The following FERMT1 variants were observed in gnomAD, a reference collection of about 807,000 sequenced individuals.
The protein encoded by FERMT1 is FERM domain containing kindlin 1, also known as fermitin family homolog 1.
A neutral mutation model predicts 85.3 loss-of-function variants in FERMT1; 60 were observed. The ratio of observed to expected loss-of-function variants is 0.70; its 90% CI spans 0.57 to 0.87. The LOEUF is 0.87. Among genes scored for constraint, FERMT1 ranks in the 40% least tolerant of loss-of-function variants. The pLI, the probability that FERMT1 is intolerant of heterozygous loss-of-function variation, is 0.00. For missense variants in FERMT1, 701 were observed against 818.9 expected (o/e 0.86, Z 1.76); for synonymous variants, 275 against 301.1 (o/e 0.91, Z 0.90).
chr20:6,095,454 A>T (rs1468714088), intron 8 of FERMT1, among the ~76,000 whole-genome samples: 1 of 152,252 alleles, frequency 6.6e-6, no homozygotes, highest in African/African-American at 2.4e-5. Context: ...TTATATGCAA[A>T]CAAAAGATTT....
chr20:6,077,430 C>T, intron 14 of FERMT1, 84 bp from the exon 15 acceptor site: 2 of 1,286,440 alleles, frequency 1.6e-6, no homozygotes, highest in Non-Finnish European at 2.2e-6. Flanking sequence ...GCCCCTGGAG[C>T]TGAGGGCTGC....
chr20:6,109,703 C>G (rs1982891986), intron 5 of FERMT1, among the ~76,000 whole-genome samples: 1 of 152,050 alleles, frequency 6.6e-6, no homozygotes, highest in Non-Finnish European at 1.5e-5. Flanking sequence ...AGTTCGAGAC[C>G]AGCCTGACCA....
At chr20:6,117,708 A>C (rs566758119) in intron 2 of FERMT1, among the ~76,000 whole-genome samples, 2 of 152,090 alleles carry the variant, frequency 1.3e-5, no homozygotes, top group African/African-American at 4.8e-5. Flanking sequence ...CTGGGATTAC[A>C]GGAAATTTTT....
chr20:6,101,529 T>A (rs1267842381), intron 6 of FERMT1, among the ~76,000 whole-genome samples: 1 of 152,260 alleles, frequency 6.6e-6, no homozygotes, highest in African/African-American at 2.4e-5. Flanking sequence ...TTTGTAAACA[T>A]GTCTAAACAA....
intron 5 of FERMT1, among the ~76,000 whole-genome samples, chr20:6,108,348 A>C (rs991478677): frequency 6.6e-6 from 1 of 152,224 alleles, no homozygotes; most frequent in African/African-American, 2.4e-5. Flanking sequence ...GTAAGCACAT[A>C]ATAATAGCTT....
chr20:6,098,054 C>T (rs1213891416), intron 6 of FERMT1, among the ~76,000 whole-genome samples: 1 of 152,072 alleles, frequency 6.6e-6, no homozygotes, highest in Non-Finnish European at 1.5e-5. Context: ...GCTCAAACGA[C>T]CTACCCATCT....
intron 7 of FERMT1, 44 bp downstream of exon 7, chr20:6,097,480 T>C (rs749253808): frequency 2.2e-6 from 3 of 1,376,262 alleles, no homozygotes; most frequent in East Asian, 2.3e-5. Flanking sequence ...CAGAACAAAC[T>C]TGGTTTGTCT....
chr20:6,085,113 C>G lies in FERMT1; in HGVS notation c.1546G>C (p.Glu516Gln). ...GCACACCGTGGTGACACAAAACATT[C>G]TGGGTTCATATCCATGTTTTCGAGA... is the stretch of plus-strand genomic sequence containing the variant. ...SSLENMDMNP[E>Q]CFVSPRCAKR... Residue 516 changes from glutamate to glutamine, a missense_variant, in exon 12 of 15, where the codon GAA becomes CAA. Physicochemically the swap from Glu to Gln is conservative, Grantham distance 29. Transcript: ENST00000217289. 6.2e-7 allele frequency: 1 copy of G among 1,614,188 alleles called. No homozygotes were observed. The highest frequency in any genetic ancestry group is 8.5e-7 in the Non-Finnish European group (1 of 1,180,036).
chr20:6,086,223 C>T (rs1404559541), intron 11 of FERMT1, among the ~76,000 whole-genome samples: 1 of 151,864 alleles, frequency 6.6e-6, no homozygotes, highest in Non-Finnish European at 1.5e-5. Flanking sequence ...GTCAGCTTTC[C>T]TTGATATGTA....
intron 6 of FERMT1, among the ~76,000 whole-genome samples, chr20:6,101,016 A>C (rs1038522444): frequency 2.0e-5 from 3 of 152,364 alleles, no homozygotes; most frequent in Non-Finnish European, 4.4e-5. Context: ...AAATGGCCAT[A>C]AAAACATTGG....
In FERMT1 at chr20:6,107,629, A is replaced by G; in HGVS notation, c.752T>C (p.Leu251Pro). Residue 251 changes from leucine (L) to proline (P), a missense_variant, in exon 6 of 15, where the codon CTA (leucine) becomes CCA (proline). By Grantham distance (98) the Leu-to-Pro change is moderately conservative (BLOSUM62 -3). Coordinates refer to ENST00000217289, the MANE Select transcript of FERMT1 (RefSeq NM_017671.5). ...TTCCATAAGGGAGCGTGAGGAGTCT[A>G]GCCAACTAGAAAATGACAGCATGAG... is the stretch of plus-strand genomic sequence containing the variant. ...VDKAKLNAGWLDSSRSLMEQG... is the reference protein window; with the variant it reads ...VDKAKLNAGWPDSSRSLMEQG... 6.3e-7 allele frequency: 1 copy of G among 1,595,080 alleles called. No homozygotes were observed. Among genetic ancestry groups the G allele is most frequent in the Non-Finnish European group, 8.6e-7 (1 of 1,162,974 alleles).
At chr20:6,078,633 G>GTTTTTTTTTTTT (rs11480502) in intron 14 of FERMT1, among the ~76,000 whole-genome samples, 1 of 134,678 alleles carries the variant, frequency 7.4e-6, no homozygotes, top group Non-Finnish European at 1.6e-5. Flanking sequence ...CTAGTTCAGC[G>GTTTTTTTTTTTT]TTTTTTTTTT....
intron 4 of FERMT1, 107 bp downstream of exon 4, chr20:6,112,370 C>G: frequency 8.7e-7 from 1 of 1,149,852 alleles, no homozygotes; most frequent in Non-Finnish European, 1.3e-6. Context: ...CACATCAGTT[C>G]TGCAATTTTA....
In FERMT1 at chr20:6,108,627, T is replaced by C. The variant is rs920305622; in HGVS notation, c.747-993A>G. 9.2e-5 allele frequency among the ~76,000 whole-genome samples: 14 copies of C among 152,120 alleles called. No homozygotes were observed. The East Asian group carries it at 2.1e-3, about 23-fold the overall frequency. ...GAGTTTGAGACCAGCCTGGGCAACATGGTGAAACCCTGTCTCTACTAAAAA... is the reference window on the plus strand; with the variant it reads ...GAGTTTGAGACCAGCCTGGGCAACACGGTGAAACCCTGTCTCTACTAAAAA... On this transcript the variant is annotated intron_variant, in intron 5 of 14. Coordinates refer to ENST00000217289, the MANE Select transcript of FERMT1 (RefSeq NM_017671.5).
At chr20:6,096,839 G>T (rs550949500) in intron 8 of FERMT1, 63 bp downstream of exon 8, 671 of 1,038,312 alleles carry the variant, frequency 6.5e-4, no homozygotes, top group Non-Finnish European at 8.7e-4. Context: ...ATAAAGAAAA[G>T]TTCATTTATA....
intron 13 of FERMT1, 81 bp downstream of exon 13, chr20:6,083,958 GC>G: frequency 6.6e-7 from 1 of 1,504,262 alleles, no homozygotes; most frequent in Non-Finnish European, 9.2e-7. Flanking sequence ...TATATTCTAT[GC>G]TAAATGAGAA....
intron 14 of FERMT1, among the ~76,000 whole-genome samples, chr20:6,078,643 T>TG (rs1422382653): frequency 7.9e-5 from 11 of 138,874 alleles, no homozygotes; most frequent in African/African-American, 2.3e-4. Context: ...GTTTTTTTTT[T>TG]TTGTTTTTTT....
chr20:6,096,172 G>A (rs1195474950), intron 8 of FERMT1, among the ~76,000 whole-genome samples: 1 of 152,192 alleles, frequency 6.6e-6, no homozygotes, highest in Non-Finnish European at 1.5e-5. Flanking sequence ...CACAACTTTG[G>A]TCAAGCTTGT....
In FERMT1 at chr20:6,119,583, A is replaced by T. The variant is rs2273423; in HGVS notation, c.-18-11T>A. 6.2e-7 allele frequency: 1 copy of T among 1,607,412 alleles called. No homozygotes were observed. Among genetic ancestry groups the T allele is most frequent in the Non-Finnish European group, 8.5e-7 (1 of 1,176,014 alleles). Reference sequence around the variant, plus strand: ...GGCAAATGCTGGTGTCTGCTGAACAAAAAGGCAGACATAGATTGGAATGTG... The same window carrying T: ...GGCAAATGCTGGTGTCTGCTGAACATAAAGGCAGACATAGATTGGAATGTG... On this transcript the variant is annotated splice_polypyrimidine_tract_variant and intron_variant, in intron 1 of 14. Coordinates refer to ENST00000217289, the MANE Select transcript of FERMT1 (RefSeq NM_017671.5).
Sources: gnomAD v4.1 joint callset for allele counts (sites outside exome capture counted in the v4.1 genomes callset) on GRCh38, gnomAD v4.1.1 for gene constraint, MANE v1.5 for transcripts, NCBI Gene and HGNC (gene_info 2026-07-23, HGNC 2026-07-21) for gene names.